MYOM2: variants seen among roughly 807,000 people sequenced by gnomAD.
The protein encoded by MYOM2 is myomesin-2.
Under a neutral mutation model 187.6 loss-of-function variants are expected in MYOM2, and 254 were observed. That is an observed-to-expected ratio of 1.35 (90% CI 1.22 to 1.50). The LOEUF is 1.50. Ranked by LOEUF, MYOM2 falls within the 40% of genes most tolerant of loss-of-function variation. The pLI, the probability that MYOM2 is intolerant of heterozygous loss-of-function variation, is 0.00. For synonymous variants in MYOM2, 981 were observed against 753.8 expected (o/e 1.30, Z -4.94); for missense variants, 2,796 against 1,924.0 (o/e 1.45, Z -8.48).
Position 2,086,266 on chromosome 8 carries a change from A to T in MYOM2, c.1644+876A>T, listed in dbSNP as rs1256193041. 3.9e-5 allele frequency among the ~76,000 whole-genome samples: 4 copies of T among 103,744 alleles called. 1 individual carries two copies. The highest frequency in any genetic ancestry group is 8.3e-5 in the Non-Finnish European group (4 of 48,324). 68.1% of individuals were successfully genotyped at this position (103,744 alleles called of 152,430 possible). ...GTGATCTTTGCGTGGCCCCACTGTC[A>T]TGATCTCTGGCACCCCACTGTCGTG... is the stretch of plus-strand genomic sequence containing the variant. On this transcript the variant is annotated intron_variant, in intron 14 of 36. Coordinates refer to ENST00000262113, the MANE Select transcript of MYOM2 (RefSeq NM_003970.4).
intron 16 of MYOM2, among the ~76,000 whole-genome samples, chr8:2,093,548 GT>G (rs1563049901): frequency 6.6e-6 from 1 of 152,204 alleles, no homozygotes; most frequent in Non-Finnish European, 1.5e-5. Context: ...CATAAAATCT[GT>G]GAGGTTTCAA....
intron 10 of MYOM2, among the ~76,000 whole-genome samples, chr8:2,073,703 G>A (rs1819318406): frequency 6.6e-6 from 1 of 152,194 alleles, no homozygotes; most frequent in Admixed American, 6.5e-5. Flanking sequence ...GGAAGAATCG[G>A]GACACAATCC....
chr8:2,099,219 C>T (rs1796602430), intron 19 of MYOM2, among the ~76,000 whole-genome samples: 1 of 152,200 alleles, frequency 6.6e-6, no homozygotes, highest in South Asian at 2.1e-4. Flanking sequence ...AGTAGGAGGC[C>T]CTGAGGGTGA....
chr8:2,097,780 G>T (rs1223085010), intron 18 of MYOM2, among the ~76,000 whole-genome samples: 1 of 152,232 alleles, frequency 6.6e-6, no homozygotes, highest in Non-Finnish European at 1.5e-5. Context: ...GCCTCCCAAA[G>T]TGCGGGGATT....
intron 18 of MYOM2, among the ~76,000 whole-genome samples, chr8:2,098,348 C>T (rs1174398649): frequency 6.6e-6 from 1 of 152,250 alleles, no homozygotes; most frequent in Non-Finnish European, 1.5e-5. Flanking sequence ...TGGCCCCAGA[C>T]TGCAGCACCC....
Position 2,129,241 on chromosome 8 carries a change from G to T in MYOM2, c.3800+9G>T. On this transcript the variant is annotated intron_variant, in intron 32 of 36. Coordinates refer to ENST00000262113, the MANE Select transcript of MYOM2 (RefSeq NM_003970.4). ...GTGAACTGGTGTCACAAGTAAGTAT[G>T]ACAGCAGCCGATGGAGGCCATGCCA... 5 of 1,588,306 alleles carry T rather than the reference G, an allele frequency of 3.1e-6. No homozygotes were observed. The highest frequency in any genetic ancestry group is 4.3e-6 in the Non-Finnish European group (5 of 1,157,736).
intron 28 of MYOM2, chr8:2,119,168 C>G (rs1009471800): frequency 1.3e-5 from 2 of 152,368 alleles, no homozygotes; most frequent in African/African-American, 4.8e-5. Context: ...GGAAAGTCAT[C>G]TGGAGCATGT....
intron 6 of MYOM2, among the ~76,000 whole-genome samples, chr8:2,066,380 G>T (rs76517741): frequency 7.7e-4 from 117 of 152,270 alleles, no homozygotes; most frequent in Non-Finnish European, 1.4e-3. Context: ...TCTGGCATTC[G>T]AATCCTTCCA....
chr8:2,103,740 T>C (rs1796799123), intron 21 of MYOM2, among the ~76,000 whole-genome samples: 1 of 148,292 alleles, frequency 6.7e-6, no homozygotes, highest in Non-Finnish European at 1.5e-5. Flanking sequence ...TATGGATGGG[T>C]GTATGGATAA....
chr8:2,077,929 C>G (rs1819490165), intron 11 of MYOM2, among the ~76,000 whole-genome samples: 1 of 152,098 alleles, frequency 6.6e-6, no homozygotes, highest in Non-Finnish European at 1.5e-5. Flanking sequence ...TAAAACAGCC[C>G]ATGACATGTG....
intron 30 of MYOM2, 43 bp downstream of exon 30, chr8:2,123,685 T>C: frequency 6.5e-7 from 1 of 1,544,464 alleles, no homozygotes; most frequent in East Asian, 2.2e-5. Context: ...GAAATTCCTT[T>C]CACCAACAGG....
At chr8:2,089,171 C>G (rs60309480) in intron 14 of MYOM2, among the ~76,000 whole-genome samples, 2,927 of 30,148 alleles carry the variant, frequency 0.097, 87 homozygotes, top group African/African-American at 0.16. Flanking sequence ...TACCACAAAA[C>G]TACTTTCGAA....
rs1367255321 is a variant in MYOM2 at position 2,064,442 on chromosome 8, A to C, written c.654-4836A>C. On this transcript the variant is annotated intron_variant, in intron 6 of 36. Transcript: ENST00000262113. ...GGCGCCTCCTGCATGGAGTGGGGCC[A>C]CCGCCGTCGTCAGTGGGTCGGGATC... Among the ~76,000 whole-genome samples the C allele has an allele frequency of 2.6e-5, 4 of 152,302 alleles. No individual in the cohort carries two copies. In the South Asian group the frequency reaches 8.3e-4, roughly 32 times the overall value.
intron 28 of MYOM2, chr8:2,119,031 G>C (rs1020779370): frequency 1.3e-5 from 2 of 152,360 alleles, no homozygotes; most frequent in African/African-American, 2.4e-5. Context: ...GATCAGCACT[G>C]TACGGGGAGG....
intron 32 of MYOM2, among the ~76,000 whole-genome samples, chr8:2,130,004 C>A (rs954863978): frequency 6.6e-6 from 1 of 152,040 alleles, no homozygotes; most frequent in African/African-American, 2.4e-5. Flanking sequence ...TCTTCGCTAT[C>A]CAAAGGATGA....
chr8:2,048,527 G>A (rs942515946), intron 1 of MYOM2, among the ~76,000 whole-genome samples: 4 of 152,128 alleles, frequency 2.6e-5, no homozygotes, highest in African/African-American at 9.7e-5. Context: ...GATAACAGCA[G>A]CAGCATAACA....
intron 6 of MYOM2, among the ~76,000 whole-genome samples, chr8:2,068,104 G>C (rs79655166): frequency 0.021 from 3,232 of 152,274 alleles, 42 homozygotes; most frequent in African/African-American, 0.04. Context: ...GAGCATCGTG[G>C]GCGCAGCTCT....
rs955137319 is a variant in MYOM2, at chr8:2,052,397, C to T, written c.263+84C>T. The T allele has an allele frequency of 2.1e-5, 30 of 1,401,868 alleles. No homozygotes were observed. In the African/African-American group the frequency reaches 3.9e-4, roughly 18 times the overall value. The allele number at this position is 1,401,868 out of a possible 1,614,324, so 86.8% of individuals were successfully genotyped here. On this transcript the variant is annotated intron_variant, in intron 3 of 36. Transcript: ENST00000262113. Reference sequence around the variant, plus strand: ...CAGTGGGGTGAGGAGGGAAGAGCGACCTTAGCTGAGAGGGAAGATCAAGGA... The same window carrying T: ...CAGTGGGGTGAGGAGGGAAGAGCGATCTTAGCTGAGAGGGAAGATCAAGGA...
intron 32 of MYOM2, among the ~76,000 whole-genome samples, chr8:2,131,101 C>G (rs977285909): frequency 1.3e-5 from 2 of 152,114 alleles, no homozygotes; most frequent in African/African-American, 4.8e-5. Context: ...CTGGGGGGTA[C>G]AGAGATTAAA....
Sources: allele counts gnomAD v4.1 joint callset (sites outside exome capture counted in the v4.1 genomes callset), GRCh38; gene constraint gnomAD v4.1.1; transcripts MANE v1.5; gene names NCBI Gene and HGNC (gene_info 2026-07-23, HGNC 2026-07-21).